Variants in ESRRG observed in about 807,000 individuals in gnomAD.
The protein encoded by ESRRG is estrogen related receptor gamma, also known as estrogen-related receptor gamma.
ESRRG carries 13 observed loss-of-function variants against 44.0 expected under a neutral mutation model. The ratio of observed to expected loss-of-function variants is 0.30; its 90% CI spans 0.19 to 0.47. The LOEUF is 0.47. Ranked by LOEUF, ESRRG falls within the 20% of genes least tolerant of loss-of-function variation. ESRRG has a pLI of 1.00. For missense variants in ESRRG, 395 were observed against 580.6 expected (o/e 0.68, Z 3.29); for synonymous variants, 215 against 214.6 (o/e 1.00, Z -0.02).
chr1:217,076,432 C>G (rs908374321), intron 1 of ESRRG, among the ~76,000 whole-genome samples: 4 of 152,134 alleles, frequency 2.6e-5, no homozygotes, highest in African/African-American at 9.7e-5. Context: ...TCATTTTTCT[C>G]GGTTGAAGGC....
intron 1 of ESRRG, among the ~76,000 whole-genome samples, chr1:217,003,584 TTAA>T (rs2077344240): frequency 6.8e-6 from 1 of 148,058 alleles, no homozygotes; most frequent in Non-Finnish European, 1.5e-5. Context: ...TTAATAAGTA[TTAA>T]TATTAATTAA....
intron 1 of ESRRG, 102 bp downstream of exon 1, chr1:216,723,142 A>T: frequency 1.0e-6 from 1 of 973,510 alleles, no homozygotes; most frequent in Non-Finnish European, 1.6e-6. Flanking sequence ...CACACAAAAT[A>T]CCCAGGGCAT....
intron 1 of ESRRG, among the ~76,000 whole-genome samples, chr1:216,970,397 A>G (rs2150283269): frequency 6.6e-6 from 1 of 152,334 alleles, no homozygotes; most frequent in Middle Eastern, 3.4e-3. Context: ...AGCTTCACAC[A>G]TTCTAAAAAC....
chr1:216,779,157 T>C (rs1282548034), intron 2 of ESRRG, among the ~76,000 whole-genome samples: 1 of 90,380 alleles, frequency 1.1e-5, no homozygotes, highest in African/African-American at 4.2e-5. Flanking sequence ...TATATATATA[T>C]AAAATAAATA....
chr1:217,129,028 C>T (rs1416556604), intron 1 of ESRRG, among the ~76,000 whole-genome samples: 2 of 151,976 alleles, frequency 1.3e-5, no homozygotes, highest in Non-Finnish European at 2.9e-5. Flanking sequence ...TAACAGAGCA[C>T]TATCAACAAA....
Position 216,503,891 on chromosome 1 carries a change from T to C in ESRRG, c.*3048A>G, listed in dbSNP as rs1391238937. 2.0e-5 allele frequency: 3 copies of C among 152,602 alleles called. No homozygotes were observed. The highest frequency in any genetic ancestry group is 4.4e-5 in the Non-Finnish European group (3 of 67,998). 9.5% of individuals were successfully genotyped at this position (152,602 alleles called of 1,614,324 possible). On this transcript the variant is annotated 3_prime_UTR_variant, in exon 7 of 7. Transcript: ENST00000408911. ...CATATGGCTAAAACATACACCTTTA[T>C]AACTTTCCAAAACTTCACATTAAGT...
At chr1:217,125,466 A>T (rs2092877804) in intron 1 of ESRRG, among the ~76,000 whole-genome samples, 1 of 152,246 alleles carries the variant, frequency 6.6e-6, no homozygotes, top group South Asian at 2.1e-4. Context: ...CAGACAAAAC[A>T]CTTGTTGACA....
chr1:216,992,173 C>T (rs1009910332), intron 1 of ESRRG, among the ~76,000 whole-genome samples: 16 of 152,220 alleles, frequency 1.1e-4, no homozygotes, highest in African/African-American at 3.6e-4. Context: ...ACACACAGTG[C>T]TTAAGCTTCC....
At chr1:216,951,101 TTA>T (rs757765688) in intron 1 of ESRRG, among the ~76,000 whole-genome samples, 1 of 152,168 alleles carries the variant, frequency 6.6e-6, no homozygotes, top group Non-Finnish European at 1.5e-5. Context: ...TATTTATGTT[TTA>T]TATCCTGTCA....
chr1:216,750,546 C>G (rs149630159), intron 2 of ESRRG, among the ~76,000 whole-genome samples: 5 of 152,162 alleles, frequency 3.3e-5, no homozygotes, highest in Non-Finnish European at 7.4e-5. Flanking sequence ...TATTTAAATA[C>G]AATTCATTCA....
chr1:216,983,162 TATAGCTATTATTAGA>T (rs1267650414), intron 1 of ESRRG, among the ~76,000 whole-genome samples: 1 of 152,134 alleles, frequency 6.6e-6, no homozygotes, highest in African/African-American at 2.4e-5. Context: ...TTAGCACTTT[TATAGCTATTATTAGA>T]ATTAGTATTA....
chr1:216,912,159 A>G (rs1352543119), intron 2 of ESRRG, among the ~76,000 whole-genome samples: 1 of 35,430 alleles, frequency 2.8e-5, no homozygotes, highest in Non-Finnish European at 4.8e-5. Context: ...AGAAAAGAAA[A>G]GAAAAGAAAA....
chr1:217,051,876 C>T (rs540490303), intron 1 of ESRRG, among the ~76,000 whole-genome samples: 4 of 152,166 alleles, frequency 2.6e-5, no homozygotes, highest in African/African-American at 7.2e-5. Context: ...AATCCTCCCC[C>T]CTCAGCCTCC....
intron 2 of ESRRG, among the ~76,000 whole-genome samples, chr1:216,742,017 T>G (rs76563474): frequency 0.017 from 2,521 of 152,270 alleles, 39 homozygotes; most frequent in Non-Finnish European, 0.026. Context: ...CATTTTCCAC[T>G]GTTACAGAAC....
chr1:217,025,265 A>C (rs556578542), intron 1 of ESRRG, among the ~76,000 whole-genome samples: 39 of 152,268 alleles, frequency 2.6e-4, no homozygotes, highest in African/African-American at 9.4e-4. Flanking sequence ...CTGCAGAATG[A>C]TTTTGCCAGT....
chr1:217,085,653 G>C (rs755331791), intron 1 of ESRRG, among the ~76,000 whole-genome samples: 6 of 151,572 alleles, frequency 4.0e-5, no homozygotes. Context: ...ACCACACCCA[G>C]CTAATTTTTG....
At position 216,953,561 on chromosome 1, in the gene ESRRG, G is replaced by A. The variant is rs11572466; in HGVS notation, c.-105-13888C>T. On this transcript the variant is annotated intron_variant, in intron 1 of 7. Transcript: ENST00000359162. ...GTCTTCTTTTCTGTTCCCTATCCCC[G>A]ATACCTTCATCCTCCCTCTTGGCCC... Among the ~76,000 whole-genome samples the A allele has an allele frequency of 1.9e-4, 29 of 151,794 alleles. No homozygotes were observed. The South Asian group carries it at 5.8e-3, about 31-fold the overall frequency.
intron 2 of ESRRG, among the ~76,000 whole-genome samples, chr1:216,732,198 T>C (rs929094349): frequency 6.6e-6 from 1 of 151,860 alleles, no homozygotes; most frequent in African/African-American, 2.4e-5. Flanking sequence ...TAATTTAACA[T>C]TAACAAGGCA....
chr1:217,010,674 G>A (rs2150780343), intron 1 of ESRRG, among the ~76,000 whole-genome samples: 1 of 152,254 alleles, frequency 6.6e-6, no homozygotes, highest in African/African-American at 2.4e-5. Context: ...AATGAAAGAT[G>A]GAGATGTAAC....
Sources: gnomAD v4.1 joint callset for allele counts (sites outside exome capture counted in the v4.1 genomes callset) on GRCh38, gnomAD v4.1.1 for gene constraint, MANE v1.5 for transcripts, NCBI Gene and HGNC (gene_info 2026-07-23, HGNC 2026-07-21) for gene names.